The following GALNT15 variants were observed in gnomAD, a reference collection of about 807,000 sequenced individuals.
GALNT15 encodes polypeptide N-acetylgalactosaminyltransferase 15.
A neutral mutation model predicts 66.8 loss-of-function variants in GALNT15; 67 were observed. The ratio of observed to expected loss-of-function variants is 1.00; its 90% CI spans 0.82 to 1.23. The LOEUF (loss-of-function observed/expected upper bound fraction) is 1.23. Ranked by LOEUF, GALNT15 falls within the 50% of genes most tolerant of loss-of-function variation. The pLI is 0.00. For missense variants in GALNT15, 827 were observed against 804.3 expected (o/e 1.03, Z -0.34); for synonymous variants, 313 against 311.5 (o/e 1.00, Z -0.05).
Position 16,227,829 on chromosome 3 carries a change from GGCA to G in GALNT15, c.*333_*335del. The G allele has an allele frequency of 9.3e-7, 1 of 1,076,470 alleles. No individual in the cohort carries two copies. Among genetic ancestry groups the G allele is most frequent in the Non-Finnish European group, 1.1e-6 (1 of 888,672 alleles). The allele number at this position is 1,076,470 out of a possible 1,614,324, so 66.7% of individuals were successfully genotyped here. A position where few individuals can be genotyped will look rare whatever the true frequency, so the allele number is the denominator to read the frequency against. ...TTTCTCTCTGGCCTGGACATTCTCTGGCAGCACCTCCAGGATACATAAATTCAA... is the reference window on the plus strand; with the variant it reads ...TTTCTCTCTGGCCTGGACATTCTCTGGCACCTCCAGGATACATAAATTCAA... On this transcript the variant is annotated 3_prime_UTR_variant, in exon 10 of 10. Coordinates refer to ENST00000339732, the MANE Select transcript of GALNT15 (RefSeq NM_054110.5). The surrounding 1 kb of genome is among the most constrained non-coding windows in gnomAD (Gnocchi z 4.5).
chr3:16,236,275 G>T (rs2064125527), downstream of GALNT15, among the ~76,000 whole-genome samples: 1 of 152,146 alleles, frequency 6.6e-6, no homozygotes, highest in Admixed American at 6.5e-5. Flanking sequence ...CTAGAGTGGG[G>T]TTAGCAAACC....
At chr3:16,216,910 A>G (rs1231911572) in intron 6 of GALNT15, among the ~76,000 whole-genome samples, 1 of 152,136 alleles carries the variant, frequency 6.6e-6, no homozygotes, top group Non-Finnish European at 1.5e-5. Flanking sequence ...AGGTTTTTCT[A>G]TCTGTTGGGA....
At chr3:16,215,075 C>T (rs952395255) in intron 6 of GALNT15, among the ~76,000 whole-genome samples, 13 of 152,248 alleles carry the variant, frequency 8.5e-5, no homozygotes, top group African/African-American at 2.4e-4. Flanking sequence ...GTTTTTGATG[C>T]GCCAGACTAA....
At chr3:16,196,601 C>G (rs1020223488) in intron 2 of GALNT15, among the ~76,000 whole-genome samples, 1 of 152,212 alleles carries the variant, frequency 6.6e-6, no homozygotes, top group Non-Finnish European at 1.5e-5. Flanking sequence ...GAGCATGCAT[C>G]GGAATCACCT....
intron 3 of GALNT15, among the ~76,000 whole-genome samples, chr3:16,207,646 C>G (rs923437461): frequency 9.9e-5 from 15 of 150,762 alleles, no homozygotes; most frequent in African/African-American, 3.7e-4. Context: ...CATGCATTGA[C>G]AGTAGGGTTA....
At chr3:16,236,608 TATAAAA>T (rs2064126906), downstream of GALNT15, among the ~76,000 whole-genome samples, 1 of 152,030 alleles carries the variant, frequency 6.6e-6, no homozygotes, top group Non-Finnish European at 1.5e-5. Flanking sequence ...GCTTTAAAAA[TATAAAA>T]ATAAAGTGTT....
At chr3:16,196,490 G>C (rs2063639204) in intron 2 of GALNT15, among the ~76,000 whole-genome samples, 1 of 152,104 alleles carries the variant, frequency 6.6e-6, no homozygotes, top group South Asian at 2.1e-4. Flanking sequence ...ACCTGCCTGT[G>C]TGCTTCCTCT....
Position 16,195,782 on chromosome 3 carries a change from G to A in GALNT15, c.562G>A (p.Asp188Asn), listed in dbSNP as rs199598751. 3 of 1,613,396 alleles carry A rather than the reference G, an allele frequency of 1.9e-6. No homozygotes were observed. The highest frequency in any genetic ancestry group is 2.5e-6 in the Non-Finnish European group (3 of 1,179,692). Reference protein sequence around the residue: ...HPLCLQQHPQDSLPTASVILC... With the variant: ...HPLCLQQHPQNSLPTASVILC... ...CAGGTGTCTGCAGCAGCACCCTCAG[G>A]ACAGCCTGCCCACAGCCAGCGTCAT... The change falls in exon 2 of 10, where the codon GAC becomes AAC. Residue 188 changes from aspartate to asparagine, a missense_variant. Physicochemically the swap from Asp to Asn is conservative, Grantham distance 23. Transcript: ENST00000339732. This position sits in a 1 kb window ranked among gnomAD's most constrained non-coding sequence, Gnocchi z 4.6.
At position 16,214,768 on chromosome 3, in the gene GALNT15, G is replaced by T. The variant is rs368397260; in HGVS notation, c.1392+2005G>T. 5.9e-5 allele frequency among the ~76,000 whole-genome samples: 9 copies of T among 152,262 alleles called. No individual in the cohort carries two copies. In the South Asian group the frequency reaches 8.3e-4, roughly 14 times the overall value. ...TCACATCTGAAGAATGGCTGAATGGGTTCAACTCAGACATCCAGAGGAGGA... is the reference window on the plus strand; with the variant it reads ...TCACATCTGAAGAATGGCTGAATGGTTTCAACTCAGACATCCAGAGGAGGA... On this transcript the variant is annotated intron_variant, in intron 6 of 9. Coordinates refer to ENST00000339732, the MANE Select transcript of GALNT15 (RefSeq NM_054110.5).
chr3:16,184,307 A>T lies in GALNT15; in HGVS notation c.539+8617A>T, dbSNP rs2063497672. 6.6e-6 allele frequency among the ~76,000 whole-genome samples: 1 copy of T among 152,214 alleles called. No homozygotes were observed. The highest frequency in any genetic ancestry group is 6.5e-5 in the Admixed American group (1 of 15,278). ...ACATTTCTTCCTGGATCCTCTGCAT[A>T]AGTCCCTAGTCACTTGGGGCCTTGC... On this transcript the variant is annotated intron_variant, in intron 1 of 9. Transcript: ENST00000339732. The surrounding 1 kb of genome is among the most constrained non-coding windows in gnomAD (Gnocchi z 5.0).
At chr3:16,230,313 T>C (rs1332340788), downstream of GALNT15, among the ~76,000 whole-genome samples, 1 of 152,194 alleles carries the variant, frequency 6.6e-6, no homozygotes, top group Non-Finnish European at 1.5e-5. The surrounding 1 kb of genome is among the most constrained non-coding windows in gnomAD (Gnocchi z 4.5). Flanking sequence ...GTTTCCTCTT[T>C]GGTTTTAATG....
intron 6 of GALNT15, among the ~76,000 whole-genome samples, chr3:16,216,218 G>C (rs2063875174): frequency 6.6e-6 from 1 of 152,104 alleles, no homozygotes; most frequent in Admixed American, 6.5e-5. Flanking sequence ...TTCAACTGAG[G>C]GGCATAAGGC....
In GALNT15 at chr3:16,219,909, G is replaced by A; in HGVS notation, c.1525-1G>A. On this transcript the variant is annotated splice_acceptor_variant, in intron 7 of 9. Coordinates refer to ENST00000339732, the MANE Select transcript of GALNT15 (RefSeq NM_054110.5). LOFTEE classifies it high-confidence loss of function. This position sits in a 1 kb window ranked among gnomAD's most constrained non-coding sequence, Gnocchi z 4.3. ...ACTCCTGTGTGTGTGTCCACTTTCA[G>A]CTCCACAACACTGGACTTGGGCTCT... is the stretch of plus-strand genomic sequence containing the variant. 5.0e-6 allele frequency: 8 copies of A among 1,613,166 alleles called. No individual in the cohort carries two copies. Among genetic ancestry groups the A allele is most frequent in the Non-Finnish European group, 6.8e-6 (8 of 1,179,120 alleles).
intron 2 of GALNT15, 79 bp downstream of exon 2, chr3:16,196,005 G>C (rs1415926427): frequency 6.9e-7 from 1 of 1,450,188 alleles, no homozygotes; most frequent in South Asian, 1.2e-5. Flanking sequence ...AAAGATTGAA[G>C]TTTGGAACTA....
chr3:16,185,647 T>C (rs1272787669), intron 1 of GALNT15, among the ~76,000 whole-genome samples: 2 of 152,204 alleles, frequency 1.3e-5, no homozygotes, highest in African/African-American at 2.4e-5. Context: ...GAGGAACTGA[T>C]GGATCGCATG....
rs1048380557 is a variant in GALNT15, at chr3:16,191,830, C to T, written c.540-3930C>T. On this transcript the variant is annotated intron_variant, in intron 1 of 9. Coordinates refer to ENST00000339732, the MANE Select transcript of GALNT15 (RefSeq NM_054110.5). This position sits in a 1 kb window ranked among gnomAD's most constrained non-coding sequence, Gnocchi z 5.2. ...CTGAAGTGGACACTGTTGGGAAACC[C>T]AAACTTGAAAGTAGTTCAGTGGATG... Among the ~76,000 whole-genome samples the T allele has an allele frequency of 6.6e-6, 1 of 152,202 alleles. No homozygotes were observed. The highest frequency in any genetic ancestry group is 2.4e-5 in the African/African-American group (1 of 41,452).
At chr3:16,236,581 A>C (rs911170231), downstream of GALNT15, among the ~76,000 whole-genome samples, 2 of 152,236 alleles carry the variant, frequency 1.3e-5, no homozygotes, top group African/African-American at 4.8e-5. Context: ...AAATATTACC[A>C]GCGAAATAGT....
Position 16,209,635 on chromosome 3 carries a change from T to G in GALNT15, c.1079+965T>G, listed in dbSNP as rs999947561. Among the ~76,000 whole-genome samples the G allele has an allele frequency of 1.3e-5, 2 of 152,080 alleles. No homozygotes were observed. Among genetic ancestry groups the G allele is most frequent in the Non-Finnish European group, 2.9e-5 (2 of 68,016 alleles). ...GAGTTCGAGACCAACCTGGCCATCATGGCGAAACCCCATCTCTACTAAAAT... is the reference window on the plus strand; with the variant it reads ...GAGTTCGAGACCAACCTGGCCATCAGGGCGAAACCCCATCTCTACTAAAAT... On this transcript the variant is annotated intron_variant, in intron 4 of 9. Coordinates refer to ENST00000339732, the MANE Select transcript of GALNT15 (RefSeq NM_054110.5). The surrounding 1 kb of genome is among the most constrained non-coding windows in gnomAD (Gnocchi z 4.1).
Position 16,219,421 on chromosome 3 carries a change from A to G in GALNT15, c.1411A>G (p.Met471Val), listed in dbSNP as rs1334245737. 6.2e-7 allele frequency: 1 copy of G among 1,614,160 alleles called. No individual in the cohort carries two copies. The highest frequency in any genetic ancestry group is 8.5e-7 in the Non-Finnish European group (1 of 1,180,016). ...TCCCCAGGCTGAGAAGCCAGACTGC[A>G]TGGAACGCTTGCAGCTGCAAAGGAG... Reference protein sequence around the residue: ...SLSKAEKPDCMERLQLQRRLG... With the variant: ...SLSKAEKPDCVERLQLQRRLG... The change falls in exon 7 of 10, where the codon ATG (methionine) becomes GTG (valine). Residue 471 changes from methionine to valine, a missense_variant. By Grantham distance (21) the Met-to-Val change is conservative. Coordinates refer to ENST00000339732, the MANE Select transcript of GALNT15 (RefSeq NM_054110.5). The surrounding 1 kb of genome is among the most constrained non-coding windows in gnomAD (Gnocchi z 4.3).
Sources: allele counts gnomAD v4.1 joint callset (sites outside exome capture counted in the v4.1 genomes callset), GRCh38; gene constraint gnomAD v4.1.1; non-coding constraint Gnocchi (gnomAD v3.1); transcripts MANE v1.5; gene names NCBI Gene and HGNC (gene_info 2026-07-23, HGNC 2026-07-21).